The following ABCA8 variants were observed in gnomAD, a reference collection of about 807,000 sequenced individuals.
ABCA8 encodes the protein ATP binding cassette subfamily A member 8, also known as ABC-type organic anion transporter ABCA8.
In ABCA8, 177 loss-of-function variants were observed where a neutral mutation model predicts 192.3. The observed-to-expected ratio is 0.92, with a 90% CI of 0.81 to 1.04. The LOEUF is 1.04. Ranked by LOEUF, ABCA8 falls within the 50% of genes least tolerant of loss-of-function variation. The pLI is 0.00. For missense variants in ABCA8, 1,915 were observed against 1,904.8 expected (o/e 1.01, Z -0.10); for synonymous variants, 642 against 690.2 (o/e 0.93, Z 1.09).
rs900899064 is a variant in ABCA8, at chr17:68,943,909, C to G, written c.-5-1870G>C. Among the ~76,000 whole-genome samples the G allele has an allele frequency of 2.0e-5, 3 of 151,828 alleles. No homozygotes were observed. In the East Asian group the frequency reaches 5.8e-4, roughly 29 times the overall value. On this transcript the variant is annotated intron_variant, in intron 2 of 39. Coordinates refer to ENST00000586539, the MANE Select transcript of ABCA8 (RefSeq NM_001288985.2). ...CAAAGAGTTGGAACCAACCCAAATC[C>G]CCATCAATGATAGACTGCATAAAGA...
chr17:68,903,555 T>C lies in ABCA8; in HGVS notation c.2399-56A>G. The C allele has an allele frequency of 1.9e-6, 3 of 1,553,218 alleles. No individual in the cohort carries two copies. In the South Asian group the frequency reaches 3.4e-5, roughly 18 times the overall value. On this transcript the variant is annotated intron_variant, in intron 19 of 39. Transcript: ENST00000586539. ...TACTTTATTGAGCTTACTATAGAGA[T>C]TGGCTCTGCTAAGCATCTCATGATT... is the stretch of plus-strand genomic sequence containing the variant.
chr17:68,871,581 C>T (rs2066056302), intron 37 of ABCA8, among the ~76,000 whole-genome samples: 1 of 152,078 alleles, frequency 6.6e-6, no homozygotes, highest in African/African-American at 2.4e-5. Flanking sequence ...TTAGCACATT[C>T]TTAATTGGGT....
In ABCA8 at chr17:68,906,120, C is replaced by T. The variant is rs779645535; in HGVS notation, c.2322G>A (p.Glu774=). Residue 774 remains glutamate (E), a synonymous_variant, in exon 19 of 40, where the codon GAG becomes GAA. Transcript: ENST00000586539. The part of the protein sequence containing the change: ...DLDSYPDLGI[E]NYGVSMTTLN... ...AAGTTGTCATGGAAACACCATAATT[C>T]TCAATTCCTAGGTCAGGATAGCTAT... 2.5e-6 allele frequency: 4 copies of T among 1,601,826 alleles called. No individual in the cohort carries two copies. In the African/African-American group the frequency reaches 5.4e-5, roughly 21 times the overall value.
intron 32 of ABCA8, 187 bp downstream of exon 32, chr17:68,880,933 G>T: frequency 1.7e-6 from 1 of 599,492 alleles, no homozygotes; most frequent in Non-Finnish European, 2.9e-6. Context: ...TAAGGATTCT[G>T]TGACAACCTT....
At chr17:68,908,071 A>G (rs556993855) in intron 17 of ABCA8, among the ~76,000 whole-genome samples, 192 bp from the exon 18 acceptor site, 33 of 152,298 alleles carry the variant, frequency 2.2e-4, no homozygotes, top group South Asian at 4.1e-4. Context: ...CAAATCATAT[A>G]AATGTGATGG....
chr17:68,954,749 A>G (rs2068667819), intron 1 of ABCA8, among the ~76,000 whole-genome samples: 1 of 152,198 alleles, frequency 6.6e-6, no homozygotes, highest in African/African-American at 2.4e-5. Flanking sequence ...AGCGATAGGA[A>G]CAATAAAAAT....
Position 68,919,285 on chromosome 17 carries a change from T to C in ABCA8, c.1788+16A>G. On this transcript the variant is annotated intron_variant, in intron 14 of 39. Coordinates refer to ENST00000586539, the MANE Select transcript of ABCA8 (RefSeq NM_001288985.2). ...CTCATTTTGACCAACACATTAACTT[T>C]AACATATTTTTGTACCTCTTTATCC... The C allele has an allele frequency of 6.3e-7, 1 of 1,585,948 alleles. No individual in the cohort carries two copies. Among genetic ancestry groups the C allele is most frequent in the Non-Finnish European group, 8.6e-7 (1 of 1,164,182 alleles).
At chr17:68,937,454 G>A (rs932863414) in intron 4 of ABCA8, among the ~76,000 whole-genome samples, 1 of 152,068 alleles carries the variant, frequency 6.6e-6, no homozygotes, top group Admixed American at 6.6e-5. Context: ...TAGAGAGATA[G>A]ATATTTAAAT....
At chr17:68,881,257 AT>A (rs1567823795) in intron 31 of ABCA8, 46 bp from the exon 32 acceptor site, 4 of 1,324,284 alleles carry the variant, frequency 3.0e-6, no homozygotes, top group Non-Finnish European at 4.3e-6. Flanking sequence ...TAATGGTAAC[AT>A]TAAGAGTAAA....
At chr17:68,902,641 C>T (rs2066943244) in intron 21 of ABCA8, 72 bp downstream of exon 21, 1 of 1,268,108 alleles carries the variant, frequency 7.9e-7, no homozygotes, top group African/African-American at 1.5e-5. Context: ...TATTTTCTTT[C>T]TCATGGTTAT....
rs775510161 is a variant in ABCA8, at chr17:68,902,898, C to T, written c.2598-19G>A. 2 of 1,597,740 alleles carry T rather than the reference C, an allele frequency of 1.3e-6. No individual in the cohort carries two copies. The highest frequency in any genetic ancestry group is 1.7e-5 in the Admixed American group (1 of 58,148). On this transcript the variant is annotated intron_variant, in intron 20 of 39. Coordinates refer to ENST00000586539, the MANE Select transcript of ABCA8 (RefSeq NM_001288985.2). ...TAATAGCCTACACAAAAGAAAATTGCCAAAATGAATGCAATGTCATTTCCT... is the reference window on the plus strand; with the variant it reads ...TAATAGCCTACACAAAAGAAAATTGTCAAAATGAATGCAATGTCATTTCCT...
intron 1 of ABCA8, among the ~76,000 whole-genome samples, chr17:68,950,977 T>G (rs1318099621): frequency 6.6e-6 from 1 of 152,100 alleles, no homozygotes; most frequent in African/African-American, 2.4e-5. Context: ...CTTGTTTTTT[T>G]GTTTCTTCCA....
chr17:68,891,386 G>T (rs2143385501), intron 24 of ABCA8, 103 bp downstream of exon 24: 23 of 682,072 alleles, frequency 3.4e-5, no homozygotes, highest in South Asian at 9.1e-5. Context: ...GTCTGAATTG[G>T]CTGTTCAATT....
At chr17:68,943,992 G>T (rs888095784) in intron 2 of ABCA8, among the ~76,000 whole-genome samples, 2 of 151,852 alleles carry the variant, frequency 1.3e-5, no homozygotes, top group Admixed American at 6.6e-5. Flanking sequence ...GAATGAGATC[G>T]TGTCCTTTGC....
At chr17:68,925,272 C>A (rs538461643) in intron 10 of ABCA8, among the ~76,000 whole-genome samples, 1 of 151,484 alleles carries the variant, frequency 6.6e-6, no homozygotes, top group East Asian at 1.9e-4. Flanking sequence ...AAAAAAAATC[C>A]AAAAGAAGAT....
At chr17:68,886,744 A>C (rs190275525) in intron 26 of ABCA8, 2 of 185,542 alleles carry the variant, frequency 1.1e-5, no homozygotes, top group East Asian at 2.6e-4. Context: ...ACCTTTTGGC[A>C]TCCTGAAATC....
In ABCA8 at chr17:68,874,528, C is replaced by T. The variant is rs565468397; in HGVS notation, c.4631+732G>A. Among the ~76,000 whole-genome samples, 11 of 152,328 alleles carry T rather than the reference C, an allele frequency of 7.2e-5. No homozygotes were observed. The South Asian group carries it at 1.7e-3, about 23-fold the overall frequency. ...ATGGTGCAGTCATTCTCACCTATTT[C>T]GCTTATTCCCTGTGGCTTCATGATG... On this transcript the variant is annotated intron_variant, in intron 37 of 39. Coordinates refer to ENST00000586539, the MANE Select transcript of ABCA8 (RefSeq NM_001288985.2).
At position 68,868,041 on chromosome 17, in the gene ABCA8, TA is replaced by T. The variant is rs745811766; in HGVS notation, c.*43del. ...TTGCTGCTATAAAAATAAATGTATT[TA>T]AAAAAAACCACGGGTTTAAACAGGA... is the stretch of plus-strand genomic sequence containing the variant. On this transcript the variant is annotated 3_prime_UTR_variant, in exon 40 of 40. Coordinates refer to ENST00000586539, the MANE Select transcript of ABCA8 (RefSeq NM_001288985.2). 39 of 1,394,620 alleles carry T rather than the reference TA, an allele frequency of 2.8e-5. No homozygotes were observed. The highest frequency in any genetic ancestry group is 6.6e-5 in the Admixed American group (3 of 45,204). The allele number at this position is 1,394,620 out of a possible 1,614,324, so 86.4% of individuals were successfully genotyped here.
intron 20 of ABCA8, 105 bp downstream of exon 20, chr17:68,903,196 C>T: frequency 8.3e-7 from 1 of 1,205,378 alleles, no homozygotes; most frequent in Non-Finnish European, 1.2e-6. Context: ...CTTTCTGCTG[C>T]CTAATTCATC....
Sources: gnomAD v4.1 joint callset for allele counts (sites outside exome capture counted in the v4.1 genomes callset) on GRCh38, gnomAD v4.1.1 for gene constraint, MANE v1.5 for transcripts, NCBI Gene and HGNC (gene_info 2026-07-23, HGNC 2026-07-21) for gene names.